Variants in PKP1 observed in about 807,000 individuals in gnomAD.
PKP1 encodes the protein plakophilin-1.
A neutral mutation model predicts 76.4 loss-of-function variants in PKP1; 27 were observed. The ratio of observed to expected loss-of-function variants is 0.35; its 90% CI spans 0.26 to 0.49. The LOEUF (loss-of-function observed/expected upper bound fraction) is 0.49. Among genes scored for constraint, PKP1 ranks in the 20% least tolerant of loss-of-function variants. The pLI is 0.99. For missense variants in PKP1, 964 were observed against 955.2 expected (o/e 1.01, Z -0.12); for synonymous variants, 404 against 384.2 (o/e 1.05, Z -0.60).
intron 2 of PKP1, among the ~76,000 whole-genome samples, chr1:201,299,737 T>C (rs1328984348): frequency 6.6e-6 from 1 of 152,254 alleles, no homozygotes; most frequent in Non-Finnish European, 1.5e-5. Flanking sequence ...GATGAAAAGA[T>C]GGTAGGACTT....
At chr1:201,293,920 A>T (rs1348042764) in intron 1 of PKP1, 22 bp from the exon 2 acceptor site, 1 of 1,526,720 alleles carries the variant, frequency 6.5e-7, no homozygotes, top group Non-Finnish European at 9.1e-7. Context: ...TCCCTGTCCT[A>T]ATCCCCTCCT....
At position 201,330,346 on chromosome 1, in the gene PKP1, TGTAA is replaced by T. The variant is rs1657280474; in HGVS notation, c.*308_*311del. The T allele has an allele frequency of 6.6e-6, 1 of 152,116 alleles. No individual in the cohort carries two copies. Among genetic ancestry groups the T allele is most frequent in the Non-Finnish European group, 1.5e-5 (1 of 68,020 alleles). The allele number at this position is 152,116 out of a possible 1,614,324, so 9.4% of individuals were successfully genotyped here. ...AGAAATGGTATATATATGTGTATAA[TGTAA>T]GTGTGTGCATGCATGTGCGCGTGCA... On this transcript the variant is annotated 3_prime_UTR_variant, in exon 14 of 14. Transcript: ENST00000367324.
In PKP1 at chr1:201,292,537, T is replaced by G. The variant is rs538113118; in HGVS notation, c.203-1405T>G. ...GCTGGACAGGGGAGGTGGCACGAGG[T>G]GGGGATCCCTGCCTCATTCCAAAGC... On this transcript the variant is annotated intron_variant, in intron 1 of 13. Transcript: ENST00000367324. Among the ~76,000 whole-genome samples the G allele has an allele frequency of 2.0e-5, 3 of 152,138 alleles. No homozygotes were observed. The South Asian group carries it at 6.2e-4, about 32-fold the overall frequency.
chr1:201,315,042 C>T (rs1481335355), intron 3 of PKP1, among the ~76,000 whole-genome samples: 3 of 152,176 alleles, frequency 2.0e-5, no homozygotes, highest in Admixed American at 6.5e-5. Flanking sequence ...AGCAGAACCC[C>T]GTTATAGAGC....
intron 2 of PKP1, among the ~76,000 whole-genome samples, chr1:201,308,948 G>A: frequency 6.6e-6 from 1 of 152,250 alleles, no homozygotes; most frequent in African/African-American, 2.4e-5. Context: ...GGCAGTAGGG[G>A]TGTAAAAGAG....
rs985069024 is a variant in PKP1 at position 201,313,522 on chromosome 1, C to T, written c.663C>T (p.Asn221=). The part of the protein sequence containing the change: ...DPVYIPPISC[N]KDLSFGHSRA... ...TGTATATCCCGCCCATCTCCTGCAA[C>T]AAGGACCTGTCCTTTGGCCACTCTA... The change falls in exon 3 of 14, where the codon AAC becomes AAT. Residue 221 remains asparagine, a synonymous_variant. Transcript: ENST00000367324. The T allele has an allele frequency of 2.5e-6, 4 of 1,614,074 alleles. No individual in the cohort carries two copies. The highest frequency in any genetic ancestry group is 2.7e-5 in the African/African-American group (2 of 75,058).
rs781037825 is a variant in PKP1, at chr1:201,318,733, T to C, written c.1170T>C (p.Asn390=). The C allele has an allele frequency of 1.9e-6, 3 of 1,611,894 alleles. No individual in the cohort carries two copies. Among genetic ancestry groups the C allele is most frequent in the African/African-American group, 2.7e-5 (2 of 74,980 alleles). Residue 390 remains asparagine, a synonymous_variant, in exon 6 of 14, where the codon AAT becomes AAC. Coordinates refer to ENST00000367324, the MANE Select transcript of PKP1 (RefSeq NM_001005337.3). ...CCTTCTCTGGCTGGTGCGATGGCAA[T>C]AGCAACATGTCCCGGGAAGTGGTGG... ...IIPFSGWCDG[N]SNMSREVVDP... is the part of the protein sequence containing the mutation.
chr1:201,322,966 C>G, intron 8 of PKP1, 47 bp from the exon 9 acceptor site: 1 of 1,590,042 alleles, frequency 6.3e-7, no homozygotes, highest in Non-Finnish European at 8.6e-7. Context: ...GTTGTGTCCT[C>G]TCACAAGGCT....
intron 2 of PKP1, among the ~76,000 whole-genome samples, chr1:201,303,702 G>T (rs1029795357): frequency 6.6e-6 from 1 of 152,144 alleles, no homozygotes; most frequent in South Asian, 2.1e-4. Flanking sequence ...CTTTCTCCCT[G>T]TGGTAATCAA....
chr1:201,326,288 T>G (rs1657125719), intron 12 of PKP1, among the ~76,000 whole-genome samples: 1 of 152,220 alleles, frequency 6.6e-6, no homozygotes, highest in South Asian at 2.1e-4. Context: ...GAGGGTTTCA[T>G]GATCAAAGCA....
At chr1:201,326,356 G>C (rs535615631) in intron 12 of PKP1, among the ~76,000 whole-genome samples, 1 of 152,356 alleles carries the variant, frequency 6.6e-6, no homozygotes, top group South Asian at 2.1e-4. Flanking sequence ...GGAGGCTGCT[G>C]TCCTTGTCCT....
chr1:201,323,113 T>C lies in PKP1; in HGVS notation c.1604T>C (p.Met535Thr), dbSNP rs770005020. The change falls in exon 9 of 14, where the codon ATG becomes ACG. Residue 535 changes from methionine to threonine, a missense_variant. Transcript: ENST00000367324. ...GCCATCCGCACCTACCTGAACCTCA[T>C]GGGCAAGAGCAAGAAAGATGCTACC... is the stretch of plus-strand genomic sequence containing the variant. ...SDAIRTYLNL[M>T]GKSKKDATLE... The C allele has an allele frequency of 3.1e-6, 5 of 1,614,030 alleles. No homozygotes were observed. In the East Asian group the frequency reaches 6.7e-5, roughly 22 times the overall value.
At chr1:201,314,578 C>T (rs1656669407) in intron 3 of PKP1, among the ~76,000 whole-genome samples, 1 of 152,244 alleles carries the variant, frequency 6.6e-6, no homozygotes, top group Non-Finnish European at 1.5e-5. Flanking sequence ...GGAAGGCCAT[C>T]ACCCAGAGGA....
At chr1:201,313,676 C>CAT in intron 3 of PKP1, 116 bp downstream of exon 3, 1 of 1,138,864 alleles carries the variant, frequency 8.8e-7, no homozygotes. Flanking sequence ...TAGCTTCTGT[C>CAT]CCTGGGGAGT....
chr1:201,320,139 C>T (rs1656891066), intron 6 of PKP1, 128 bp from the exon 7 acceptor site: 6 of 725,306 alleles, frequency 8.3e-6, no homozygotes, highest in Non-Finnish European at 1.5e-5. Flanking sequence ...CCCGTCGTCT[C>T]CTCTCTGCCC....
intron 2 of PKP1, among the ~76,000 whole-genome samples, chr1:201,299,957 T>G (rs1345764425): frequency 6.6e-6 from 1 of 152,220 alleles, no homozygotes; most frequent in Non-Finnish European, 1.5e-5. Flanking sequence ...GAGGGACTGA[T>G]AGTAGACCAC....
At chr1:201,294,127 G>A (rs745593516) in intron 2 of PKP1, 82 bp downstream of exon 2, 6 of 930,868 alleles carry the variant, frequency 6.4e-6, no homozygotes, top group Admixed American at 2.0e-5. Context: ...ACCGGCACCA[G>A]TTGCTAAAAA....
intron 2 of PKP1, among the ~76,000 whole-genome samples, chr1:201,308,182 C>T (rs903738926): frequency 8.5e-5 from 13 of 152,194 alleles, no homozygotes; most frequent in Non-Finnish European, 1.8e-4. Context: ...CACAGCTGGA[C>T]CCCATGCCGT....
At chr1:201,285,339 T>C (rs1250263335) in intron 1 of PKP1, among the ~76,000 whole-genome samples, 1 of 151,434 alleles carries the variant, frequency 6.6e-6, no homozygotes, top group Admixed American at 6.6e-5. Flanking sequence ...TGGCCCCTTG[T>C]AGAGCCGAGG....
Sources: allele counts gnomAD v4.1 joint callset (sites outside exome capture counted in the v4.1 genomes callset), GRCh38; gene constraint gnomAD v4.1.1; transcripts MANE v1.5; gene names NCBI Gene and HGNC (gene_info 2026-07-23, HGNC 2026-07-21).